SV2C: variants seen among roughly 807,000 people sequenced by gnomAD.
SV2C encodes the protein solute carrier family 22 member B3.
Under a neutral mutation model 79.7 loss-of-function variants are expected in SV2C, and 49 were observed. The ratio of observed to expected loss-of-function variants is 0.61; its 90% CI spans 0.49 to 0.78. SV2C has a LOEUF of 0.78. Ranked by LOEUF, SV2C falls within the 30% of genes least tolerant of loss-of-function variation. The pLI, the probability that SV2C is intolerant of heterozygous loss-of-function variation, is 0.00. For missense variants in SV2C, 833 were observed against 912.9 expected (o/e 0.91, Z 1.13); for synonymous variants, 334 against 333.2 (o/e 1.00, Z -0.03).
At chr5:76,128,148 T>G (rs1440105786) in intron 1 of SV2C, among the ~76,000 whole-genome samples, 2 of 152,206 alleles carry the variant, frequency 1.3e-5, no homozygotes, top group Non-Finnish European at 2.9e-5. Flanking sequence ...AGGAGCATCA[T>G]GTACTTAGAG....
the SV2C span, among the ~76,000 whole-genome samples, chr5:75,867,156 C>G: frequency 2.0e-5 from 3 of 152,116 alleles, no homozygotes; most frequent in Non-Finnish European, 2.9e-5. Flanking sequence ...TCTTAAGTCT[C>G]CTTGAGAGGA....
rs1317990121 is a variant in SV2C at position 76,283,705 on chromosome 5, T to C, written c.914-1457T>C. Among the ~76,000 whole-genome samples the C allele has an allele frequency of 3.3e-5, 5 of 152,358 alleles. No homozygotes were observed. In the East Asian group the frequency reaches 7.7e-4, roughly 23 times the overall value. On this transcript the variant is annotated intron_variant, in intron 4 of 12. Transcript: ENST00000502798. ...TATGGTAATATACACTATCTTCATA[T>C]ATTAAATTCCCAGAGTCTACTAATC...
the SV2C span, among the ~76,000 whole-genome samples, chr5:75,907,100 C>T: frequency 6.6e-6 from 1 of 152,240 alleles, no homozygotes; most frequent in Middle Eastern, 3.4e-3. Context: ...ATCAAAGTGG[C>T]CAGAATAACA....
the SV2C span, among the ~76,000 whole-genome samples, chr5:76,068,411 T>TA: frequency 1.3e-5 from 2 of 152,148 alleles, no homozygotes; most frequent in Non-Finnish European, 2.9e-5. Flanking sequence ...TACTCTTTTT[T>TA]AAAAAATATA....
the SV2C span, among the ~76,000 whole-genome samples, chr5:75,965,677 A>G: frequency 6.6e-6 from 1 of 152,188 alleles, no homozygotes; most frequent in Non-Finnish European, 1.5e-5. Context: ...GGAGTAAGAA[A>G]GTGGAGTGAA....
chr5:75,949,355 C>A, the SV2C span, among the ~76,000 whole-genome samples: 4 of 151,884 alleles, frequency 2.6e-5, no homozygotes, highest in African/African-American at 4.8e-5. Flanking sequence ...GGGGCTTGGG[C>A]AGAGAAGTGA....
intron 4 of SV2C, among the ~76,000 whole-genome samples, chr5:76,261,502 G>A (rs1025427767): frequency 6.6e-6 from 1 of 152,026 alleles, no homozygotes; most frequent in African/African-American, 2.4e-5. Flanking sequence ...GGTGAGAAAG[G>A]GCATCCTTGT....
chr5:76,219,224 G>C (rs765723990), intron 4 of SV2C, among the ~76,000 whole-genome samples: 1 of 152,182 alleles, frequency 6.6e-6, no homozygotes, highest in East Asian at 1.9e-4. Context: ...AGAGTAAGAC[G>C]TGACAGAGGG....
At chr5:75,910,932 C>A in the SV2C span, 5 of 915,124 alleles carry the variant, frequency 5.5e-6, no homozygotes, top group Non-Finnish European at 9.1e-6. Context: ...AAGGGACTAT[C>A]AAGCAGCAGC....
At chr5:75,959,488 G>A in the SV2C span, among the ~76,000 whole-genome samples, 3 of 151,908 alleles carry the variant, frequency 2.0e-5, no homozygotes, top group Non-Finnish European at 2.9e-5. Context: ...TAGTGGACAT[G>A]GCATTGATAT....
chr5:76,132,100 A>T lies in SV2C; in HGVS notation c.350A>T (p.Tyr117Phe), dbSNP rs1294170876. Residue 117 changes from tyrosine (Y) to phenylalanine (F), a missense_variant, in exon 2 of 13, where the codon TAC becomes TTC. Transcript: ENST00000502798. ...GTGGGGCAGCCCAAGGGCGATGAGT[A>T]CAAGGACCGGCGGGAGCTGGAATCA... Reference protein sequence around the residue: ...VSVGQPKGDEYKDRRELESER... With the variant: ...VSVGQPKGDEFKDRRELESER... The T allele has an allele frequency of 1.2e-6, 2 of 1,613,900 alleles. No individual in the cohort carries two copies. The highest frequency in any genetic ancestry group is 2.2e-5 in the East Asian group (1 of 44,852).
At chr5:75,961,798 A>G in the SV2C span, among the ~76,000 whole-genome samples, 2 of 152,244 alleles carry the variant, frequency 1.3e-5, no homozygotes, top group East Asian at 3.9e-4. Context: ...ATATTAAAAA[A>G]TGCTTCTCAA....
chr5:76,240,001 G>C (rs1188995459), intron 4 of SV2C, among the ~76,000 whole-genome samples: 2 of 152,220 alleles, frequency 1.3e-5, no homozygotes, highest in East Asian at 3.8e-4. Context: ...CTTAAGCTAA[G>C]ATGTTGGTGT....
chr5:75,872,415 C>G, the SV2C span, among the ~76,000 whole-genome samples: 1 of 151,970 alleles, frequency 6.6e-6, no homozygotes, highest in Admixed American at 6.6e-5. Flanking sequence ...CTGAAATTCC[C>G]TGGAATGGTA....
the SV2C span, among the ~76,000 whole-genome samples, chr5:75,923,129 C>G: frequency 6.6e-6 from 1 of 152,164 alleles, no homozygotes; most frequent in Admixed American, 6.5e-5. Flanking sequence ...TTGCAGCCAA[C>G]TGATCTTCGA....
chr5:75,938,230 T>C, the SV2C span, among the ~76,000 whole-genome samples: 1 of 152,178 alleles, frequency 6.6e-6, no homozygotes, highest in East Asian at 1.9e-4. Context: ...CGAGGACTGG[T>C]GTTATCTAAC....
intron 1 of SV2C, among the ~76,000 whole-genome samples, chr5:76,097,778 A>T (rs1486709194): frequency 6.6e-6 from 1 of 152,186 alleles, no homozygotes; most frequent in Non-Finnish European, 1.5e-5. Context: ...AAGGAGAAGG[A>T]TATAATACAG....
At chr5:76,254,730 G>T (rs1746216429) in intron 4 of SV2C, among the ~76,000 whole-genome samples, 1 of 152,096 alleles carries the variant, frequency 6.6e-6, no homozygotes, top group African/African-American at 2.4e-5. Context: ...AATCCAAAAT[G>T]TTAATTATGT....
At chr5:76,179,963 A>G in intron 2 of SV2C, among the ~76,000 whole-genome samples, 1 of 152,288 alleles carries the variant, frequency 6.6e-6, no homozygotes, top group South Asian at 2.1e-4. Flanking sequence ...AAACTTACAG[A>G]TAATTTTTTA....
Sources: gnomAD v4.1 joint callset for allele counts (sites outside exome capture counted in the v4.1 genomes callset) on GRCh38, gnomAD v4.1.1 for gene constraint, MANE v1.5 for transcripts, NCBI Gene and HGNC (gene_info 2026-07-23, HGNC 2026-07-21) for gene names.